SLC14A2: variants seen among roughly 807,000 people sequenced by gnomAD.
SLC14A2 encodes the protein urea transporter 2.
SLC14A2 carries 91 observed loss-of-function variants against 104.6 expected under a neutral mutation model. That is an observed-to-expected ratio of 0.87 (90% CI 0.73 to 1.04). The LOEUF (loss-of-function observed/expected upper bound fraction) is 1.04, where lower values mean the gene tolerates loss of function less well. Among genes scored for constraint, SLC14A2 ranks in the 50% least tolerant of loss-of-function variants. The pLI is 0.00. For synonymous variants in SLC14A2, 476 were observed against 466.4 expected, an observed-to-expected ratio of 1.02 and a Z score of -0.27; for missense variants, 1,189 against 1,156.0, an observed-to-expected ratio of 1.03 and a Z score of -0.41.
At chr18:45,280,496 G>C (rs2084751580) in intron 1 of SLC14A2, among the ~76,000 whole-genome samples, 2 of 152,152 alleles carry the variant, frequency 1.3e-5, no homozygotes, top group African/African-American at 4.8e-5. Flanking sequence ...GGGGTCTCCA[G>C]CCTCGAAGGC....
chr18:45,545,013 C>T (rs1181866871), intron 2 of SLC14A2, among the ~76,000 whole-genome samples: 2 of 151,858 alleles, frequency 1.3e-5, no homozygotes, highest in Non-Finnish European at 2.9e-5. Flanking sequence ...AGGCTGGTCT[C>T]GAACTCCCGA....
intron 1 of SLC14A2, among the ~76,000 whole-genome samples, chr18:45,445,963 G>A (rs1337443244): frequency 6.6e-6 from 1 of 152,186 alleles, no homozygotes; most frequent in Non-Finnish European, 1.5e-5. Flanking sequence ...CCTTCAGAAG[G>A]CAGAGCAGTA....
intron 2 of SLC14A2, among the ~76,000 whole-genome samples, chr18:45,541,756 A>AG (rs1345022530): frequency 4.6e-5 from 7 of 152,222 alleles, no homozygotes; most frequent in African/African-American, 1.7e-4. Context: ...TAGGAGATAC[A>AG]GAGGCAGGTC....
intron 5 of SLC14A2, among the ~76,000 whole-genome samples, chr18:45,635,224 C>T (rs1176907005): frequency 6.6e-6 from 1 of 152,084 alleles, no homozygotes; most frequent in Non-Finnish European, 1.5e-5. Context: ...AAATCTGAAA[C>T]AGTGATATGA....
intron 16 of SLC14A2, 22 bp downstream of exon 16, chr18:45,669,520 A>G (rs1221925176): frequency 5.6e-6 from 9 of 1,601,356 alleles, no homozygotes; most frequent in African/African-American, 1.3e-5. Context: ...GGAAGGAGGA[A>G]GGGCAGGTCT....
intron 1 of SLC14A2, among the ~76,000 whole-genome samples, chr18:45,365,157 G>C (rs972466027): frequency 2.0e-5 from 3 of 152,196 alleles, no homozygotes; most frequent in African/African-American, 7.2e-5. Context: ...GCTCAGAGGA[G>C]TACTACACCA....
intron 1 of SLC14A2, among the ~76,000 whole-genome samples, chr18:45,301,944 T>G (rs566076592): frequency 7.9e-5 from 12 of 152,310 alleles, no homozygotes; most frequent in African/African-American, 2.9e-4. Flanking sequence ...TTCTCTGAAA[T>G]TCCACCCTAG....
intron 1 of SLC14A2, among the ~76,000 whole-genome samples, chr18:45,358,176 G>C (rs1420323389): frequency 6.6e-6 from 1 of 152,178 alleles, no homozygotes; most frequent in Non-Finnish European, 1.5e-5. Context: ...CTTTGGAAGG[G>C]AGGAAAGAGT....
the SLC14A2 span, among the ~76,000 whole-genome samples, chr18:45,172,335 A>G: frequency 6.6e-6 from 1 of 152,168 alleles, no homozygotes; most frequent in African/African-American, 2.4e-5. Flanking sequence ...AGCCAGCATC[A>G]TTAATACCAT....
At chr18:45,679,116 G>T in intron 19 of SLC14A2, 92 bp downstream of exon 19, 1 of 1,175,472 alleles carries the variant, frequency 8.5e-7, no homozygotes, top group Non-Finnish European at 1.3e-6. Flanking sequence ...TCTCCTCTAA[G>T]AACTCTTCCC....
rs765432157 is a variant in SLC14A2 at position 45,426,543 on chromosome 18, C to CGTGT, written c.-124-56690_-124-56689insGTGT. ...CACAAGCAGAGCCGAATGAGATCAG[C>CGTGT]ATGTGTGTGTGTGTGTGTGTGTATA... is the stretch of plus-strand genomic sequence containing the variant. On this transcript the variant is annotated intron_variant, in intron 1 of 20. Coordinates refer to the SLC14A2 transcript ENST00000586448. 8.5e-3 allele frequency among the ~76,000 whole-genome samples: 1,153 copies of CGTGT among 135,168 alleles called. 14 individuals carry two copies. Among genetic ancestry groups the CGTGT allele is most frequent in the East Asian group, 0.029 (124 of 4,302 alleles). The allele number at this position is 135,168 out of a possible 152,430, so 88.7% of individuals were successfully genotyped here. A position where few individuals can be genotyped will look rare whatever the true frequency, so the allele number is the denominator to read the frequency against.
intron 1 of SLC14A2, among the ~76,000 whole-genome samples, chr18:45,620,281 G>T (rs533652136): frequency 2.0e-5 from 3 of 152,242 alleles, no homozygotes; most frequent in Non-Finnish European, 4.4e-5. Context: ...CAGAGTAATG[G>T]AGAGCGCAGT....
intron 2 of SLC14A2, among the ~76,000 whole-genome samples, chr18:45,601,289 A>C (rs1044386569): frequency 4.6e-5 from 7 of 152,158 alleles, no homozygotes; most frequent in Admixed American, 4.6e-4. Flanking sequence ...GCAGAGAAAA[A>C]CCCATGGGGT....
chr18:45,315,195 A>G (rs1321352087), intron 1 of SLC14A2, among the ~76,000 whole-genome samples: 1 of 152,124 alleles, frequency 6.6e-6, no homozygotes, highest in Non-Finnish European at 1.5e-5. Context: ...AGAAGGGAGA[A>G]GTTGAATCAT....
chr18:45,176,824 C>T, the SLC14A2 span, among the ~76,000 whole-genome samples: 5 of 152,126 alleles, frequency 3.3e-5, no homozygotes, highest in Non-Finnish European at 5.9e-5. Flanking sequence ...GTTAATTCCT[C>T]TTTCTTGGAG....
intron 16 of SLC14A2, among the ~76,000 whole-genome samples, chr18:45,671,559 G>A (rs978912616): frequency 6.6e-6 from 1 of 151,974 alleles, no homozygotes; most frequent in Admixed American, 6.5e-5. Flanking sequence ...AACTGCCCAT[G>A]CTGCTGCTTC....
chr18:45,373,335 G>A (rs1022906264), intron 1 of SLC14A2, among the ~76,000 whole-genome samples: 1 of 152,182 alleles, frequency 6.6e-6, no homozygotes, highest in African/African-American at 2.4e-5. Context: ...ATTGGGTGAT[G>A]TTAGATTAGC....
chr18:45,665,357 T>G (rs1017577718), intron 11 of SLC14A2, among the ~76,000 whole-genome samples: 1 of 152,188 alleles, frequency 6.6e-6, no homozygotes, highest in Non-Finnish European at 1.5e-5. Context: ...TCAGGATGCA[T>G]AAAACCCTAC....
the SLC14A2 span, among the ~76,000 whole-genome samples, chr18:45,196,487 G>A: frequency 6.6e-6 from 1 of 152,206 alleles, no homozygotes; most frequent in Admixed American, 6.5e-5. Flanking sequence ...AGTAAGGTAA[G>A]GTTTACAGCT....
Sources: gnomAD v4.1 joint callset for allele counts (sites outside exome capture counted in the v4.1 genomes callset) on GRCh38, gnomAD v4.1.1 for gene constraint, MANE v1.5 for transcripts, NCBI Gene and HGNC (gene_info 2026-07-23, HGNC 2026-07-21) for gene names.